Variants in MYO3A observed in about 807,000 individuals in gnomAD.
MYO3A encodes the protein myosin IIIA.
In MYO3A, 180 loss-of-function variants were observed where a neutral mutation model predicts 192.7. That is an observed-to-expected ratio of 0.93 (90% CI 0.83 to 1.06). MYO3A has a LOEUF of 1.06. MYO3A is among the 50% of genes least tolerant of loss of function. The probability of loss-of-function intolerance (pLI) is 0.00; values close to 1 mark genes in which losing one functional copy is unlikely to be tolerated. For missense variants in MYO3A, 1,896 were observed against 1,905.0 expected, an observed-to-expected ratio of 1.00 and a Z score of 0.09; for synonymous variants, 628 against 645.3, an observed-to-expected ratio of 0.97 and a Z score of 0.41.
Position 26,170,753 on chromosome 10 carries a change from T to C in MYO3A, c.3398+214T>C, listed in dbSNP as rs546749525. On this transcript the variant is annotated intron_variant, in intron 29 of 34. Coordinates refer to ENST00000642920, the MANE Select transcript of MYO3A (RefSeq NM_017433.5). ...TCTTCCTTGGCTTCTACCAGATTGC[T>C]TTCTATAATTCTACTTCTAATTCTG... Among the ~76,000 whole-genome samples, 5 of 152,370 alleles carry C rather than the reference T, an allele frequency of 3.3e-5. No individual in the cohort carries two copies. In the South Asian group the frequency reaches 1.0e-3, roughly 32 times the overall value.
At chr10:25,983,513 T>C (rs1158762488) in intron 4 of MYO3A, among the ~76,000 whole-genome samples, 2 of 152,076 alleles carry the variant, frequency 1.3e-5, no homozygotes, top group Non-Finnish European at 1.5e-5. Flanking sequence ...CGCCTCGGCC[T>C]CCCAAAGTGC....
At chr10:26,079,775 T>C (rs1320214597) in intron 14 of MYO3A, among the ~76,000 whole-genome samples, 2 of 152,186 alleles carry the variant, frequency 1.3e-5, no homozygotes, top group African/African-American at 4.8e-5. Context: ...CCTTCATATA[T>C]GATGCTTAGT....
chr10:26,058,500 G>GTAGCTGAA (rs1198626462), intron 10 of MYO3A, among the ~76,000 whole-genome samples: 1 of 152,230 alleles, frequency 6.6e-6, no homozygotes, highest in Non-Finnish European at 1.5e-5. Context: ...AAGAAGCACA[G>GTAGCTGAA]TAGCTGAATT....
At chr10:26,142,526 C>T (rs1014038246) in intron 20 of MYO3A, among the ~76,000 whole-genome samples, 1 of 152,228 alleles carries the variant, frequency 6.6e-6, no homozygotes, top group Non-Finnish European at 1.5e-5. Context: ...TCTTATATTA[C>T]ACTATACTCA....
chr10:25,986,353 C>T (rs775129633), intron 4 of MYO3A, among the ~76,000 whole-genome samples: 5 of 152,138 alleles, frequency 3.3e-5, no homozygotes, highest in Non-Finnish European at 5.9e-5. Flanking sequence ...AATTCCTTGC[C>T]AGAGCAATCA....
chr10:26,194,037 T>G (rs1429117353), intron 32 of MYO3A, among the ~76,000 whole-genome samples: 1 of 152,178 alleles, frequency 6.6e-6, no homozygotes, highest in Non-Finnish European at 1.5e-5. Context: ...GTCCTCTCTC[T>G]CATACCTGTG....
intron 11 of MYO3A, 69 bp downstream of exon 11, chr10:26,067,143 T>C: frequency 1.0e-6 from 1 of 999,558 alleles, no homozygotes. Flanking sequence ...GACACGGGTA[T>C]TGGTAGAAGG....
chr10:26,087,245 C>G (rs1327303992), intron 14 of MYO3A, among the ~76,000 whole-genome samples: 1 of 152,206 alleles, frequency 6.6e-6, no homozygotes, highest in African/African-American at 2.4e-5. Flanking sequence ...AATTACTACA[C>G]TCTTCTTCCA....
intron 7 of MYO3A, 77 bp downstream of exon 7, chr10:26,016,973 TG>T: frequency 3.6e-6 from 5 of 1,375,198 alleles, no homozygotes; most frequent in Non-Finnish European, 5.2e-6. Flanking sequence ...ACTCTATCTC[TG>T]TAAGCATTTT....
chr10:26,054,302 T>C (rs1030555850), intron 10 of MYO3A, among the ~76,000 whole-genome samples: 1 of 152,252 alleles, frequency 6.6e-6, no homozygotes, highest in East Asian at 1.9e-4. Context: ...TAGACATTTA[T>C]GATTTTATTA....
intron 10 of MYO3A, among the ~76,000 whole-genome samples, chr10:26,050,744 A>G (rs1448341864): frequency 2.6e-5 from 4 of 152,196 alleles, no homozygotes; most frequent in Non-Finnish European, 5.9e-5. Flanking sequence ...ATTTCCCAGT[A>G]TGACATTTTT....
intron 31 of MYO3A, among the ~76,000 whole-genome samples, chr10:26,184,366 A>T (rs1842765535): frequency 6.6e-6 from 1 of 152,222 alleles, no homozygotes; most frequent in Non-Finnish European, 1.5e-5. Flanking sequence ...ATAGACTCTT[A>T]GGAGGAAATG....
At chr10:25,986,227 C>T (rs1383983570) in intron 4 of MYO3A, among the ~76,000 whole-genome samples, 1 of 151,852 alleles carries the variant, frequency 6.6e-6, no homozygotes, top group African/African-American at 2.4e-5. Context: ...AAACCATCTA[C>T]AACAAACCCA....
At chr10:26,159,287 G>A (rs1051907559) in intron 26 of MYO3A, among the ~76,000 whole-genome samples, 1 of 151,270 alleles carries the variant, frequency 6.6e-6, no homozygotes, top group Non-Finnish European at 1.5e-5. Flanking sequence ...ACTGTGCCTG[G>A]CCTATTTCTG....
intron 20 of MYO3A, among the ~76,000 whole-genome samples, chr10:26,134,185 T>G (rs1564581584): frequency 6.6e-6 from 1 of 152,152 alleles, no homozygotes. Flanking sequence ...CTAAAACTCA[T>G]CTCTTCAAAT....
chr10:26,067,957 G>A (rs756437179), intron 11 of MYO3A, among the ~76,000 whole-genome samples: 70 of 152,164 alleles, frequency 4.6e-4, no homozygotes, highest in Admixed American at 1.3e-4. Flanking sequence ...AACAACTCAA[G>A]TACTTCCTCA....
chr10:26,209,597 C>A (rs554336661), intron 34 of MYO3A, among the ~76,000 whole-genome samples: 12 of 152,196 alleles, frequency 7.9e-5, no homozygotes, highest in African/African-American at 2.9e-4. Context: ...TGATTTAACA[C>A]CTATGTTACT....
Position 26,174,535 on chromosome 10 carries a change from G to A in MYO3A, c.4271G>A (p.Gly1424Asp), listed in dbSNP as rs2132040268. The change falls in exon 30 of 35, where the codon GGT becomes GAT. Residue 1424 changes from glycine (G) to aspartate (D), a missense_variant. Coordinates refer to ENST00000642920, the MANE Select transcript of MYO3A (RefSeq NM_017433.5). ...GCAACTTCAGAAAGAGAAGCATGTGGTTTGGCAATTTTTTCAAAACAGGTA... is the reference window on the plus strand; with the variant it reads ...GCAACTTCAGAAAGAGAAGCATGTGATTTGGCAATTTTTTCAAAACAGGTA... ...SKATSEREAC[G>D]LAIFSKQISK... is the part of the protein sequence containing the mutation. 1 of 1,613,858 alleles carries A rather than the reference G, an allele frequency of 6.2e-7. No individual in the cohort carries two copies. The highest frequency in any genetic ancestry group is 1.6e-4 in the Middle Eastern group (1 of 6,062).
chr10:26,171,924 G>A (rs1842066544), intron 29 of MYO3A, among the ~76,000 whole-genome samples: 1 of 152,170 alleles, frequency 6.6e-6, no homozygotes, highest in Non-Finnish European at 1.5e-5. Context: ...GGATACCAGG[G>A]ATTAGCTTTC....
Sources: allele counts gnomAD v4.1 joint callset (sites outside exome capture counted in the v4.1 genomes callset), GRCh38; gene constraint gnomAD v4.1.1; transcripts MANE v1.5; gene names NCBI Gene and HGNC (gene_info 2026-07-23, HGNC 2026-07-21).